The following C20orf203 variants were observed in gnomAD, a reference collection of about 807,000 sequenced individuals.
C20orf203 encodes uncharacterized protein C20orf203.
A neutral mutation model predicts 15.9 loss-of-function variants in C20orf203; 16 were observed. The observed-to-expected ratio is 1.01, with a 90% confidence interval of 0.68 to 1.53. C20orf203 has a LOEUF of 1.53. C20orf203 is among the 40% of genes most tolerant of loss of function. The pLI, the probability that C20orf203 is intolerant of heterozygous loss-of-function variation, is 0.00. For missense variants in C20orf203, 263 were observed against 247.5 expected, an observed-to-expected ratio of 1.06 and a Z score of -0.42; for synonymous variants, 98 against 97.2, an observed-to-expected ratio of 1.01 and a Z score of -0.05.
At chr20:32,666,725 T>C (rs1345720738) in intron 1 of C20orf203, among the ~76,000 whole-genome samples, 1 of 137,846 alleles carries the variant, frequency 7.3e-6, no homozygotes, top group African/African-American at 2.7e-5. Flanking sequence ...ACTGTACCAC[T>C]GCACTCCAGC....
intron 4 of C20orf203, among the ~76,000 whole-genome samples, chr20:32,647,740 C>T (rs533470822): frequency 2.0e-5 from 3 of 152,186 alleles, no homozygotes; most frequent in South Asian, 4.1e-4. Flanking sequence ...GTGTGGAAAG[C>T]GCCAGATACA....
intron 1 of C20orf203, among the ~76,000 whole-genome samples, chr20:32,659,298 G>A (rs1054210829): frequency 1.1e-4 from 17 of 152,192 alleles, no homozygotes; most frequent in East Asian, 7.7e-4. Context: ...GTTTCTGGCC[G>A]TACAATTCAC....
Position 32,634,126 on chromosome 20 carries a change from C to A in C20orf203, c.*1444G>T, listed in dbSNP as rs908104308. On this transcript the variant is annotated 3_prime_UTR_variant, in exon 6 of 6. Transcript: ENST00000608990. ...GACACAGAAAACAACAAAGAAATGG[C>A]ACTTGTTACCCAGAGACCCAGAGAG... The A allele has an allele frequency of 2.8e-5, 11 of 398,422 alleles. No homozygotes were observed. Among genetic ancestry groups the A allele is most frequent in the African/African-American group, 2.3e-4 (11 of 48,586 alleles). The allele number at this position is 398,422 out of a possible 1,614,324, so 24.7% of individuals were successfully genotyped here.
intron 1 of C20orf203, among the ~76,000 whole-genome samples, chr20:32,652,918 C>T (rs1306531012): frequency 1.3e-5 from 2 of 152,174 alleles, no homozygotes; most frequent in African/African-American, 4.8e-5. Context: ...GGTCACTGGC[C>T]TTGGGGATGG....
intron 1 of C20orf203, among the ~76,000 whole-genome samples, chr20:32,655,953 T>G (rs1418727441): frequency 6.6e-6 from 1 of 152,228 alleles, no homozygotes; most frequent in Non-Finnish European, 1.5e-5. Flanking sequence ...GGTGCCCTCC[T>G]CACAGTAATG....
intron 1 of C20orf203, among the ~76,000 whole-genome samples, chr20:32,660,875 G>T (rs1982874012): frequency 8.3e-6 from 1 of 120,470 alleles, no homozygotes; most frequent in Admixed American, 7.5e-5. Flanking sequence ...AAGCAAAGCG[G>T]GGAAAGCCCC....
At chr20:32,669,930 A>G (rs6058799) in intron 1 of C20orf203, among the ~76,000 whole-genome samples, 104,195 of 152,166 alleles carry the variant, frequency 0.68, 36,656 homozygotes, top group Middle Eastern at 0.84. Flanking sequence ...GGCCGGGCAC[A>G]GTTGCTTACG....
At chr20:32,666,110 A>AT (rs1842653384) in intron 1 of C20orf203, among the ~76,000 whole-genome samples, 1 of 149,126 alleles carries the variant, frequency 6.7e-6, no homozygotes, top group African/African-American at 2.5e-5. Flanking sequence ...TCCAGCCTGA[A>AT]TAACAGGGTG....
In C20orf203 at chr20:32,633,984, A is replaced by C. The variant is rs1166958898; in HGVS notation, c.*1586T>G. On this transcript the variant is annotated 3_prime_UTR_variant, in exon 6 of 6. Transcript: ENST00000608990. ...TCCGGACTGTTTCATGCGTTCATTC[A>C]TGTGTCCAACTCTTCACTCCTTTCC... 5.0e-6 allele frequency: 2 copies of C among 398,586 alleles called. No individual in the cohort carries two copies. Among genetic ancestry groups the C allele is most frequent in the Non-Finnish European group, 8.8e-6 (2 of 226,080 alleles). The allele number at this position is 398,586 out of a possible 1,614,324, so 24.7% of individuals were successfully genotyped here. A position where few individuals can be genotyped will look rare whatever the true frequency, so the allele number is the denominator to read the frequency against.
At chr20:32,669,721 A>G (rs1034647031) in intron 1 of C20orf203, among the ~76,000 whole-genome samples, 1 of 152,214 alleles carries the variant, frequency 6.6e-6, no homozygotes, top group Non-Finnish European at 1.5e-5. Context: ...AATATAGGGG[A>G]AAAGTTTCAT....
At chr20:32,647,197 C>A (rs1982458247) in intron 4 of C20orf203, among the ~76,000 whole-genome samples, 1 of 151,944 alleles carries the variant, frequency 6.6e-6, no homozygotes, top group Admixed American at 6.6e-5. Flanking sequence ...GAGTTTGAGA[C>A]CCGTCTGGCC....
intron 1 of C20orf203, among the ~76,000 whole-genome samples, chr20:32,668,920 T>C (rs1197146918): frequency 1.3e-5 from 2 of 152,192 alleles, no homozygotes; most frequent in African/African-American, 4.8e-5. Flanking sequence ...TTGACCATGT[T>C]CTTGCCATGT....
In C20orf203 at chr20:32,662,554, C is replaced by T. The variant is rs535193598; in HGVS notation, c.-263-10573G>A. On this transcript the variant is annotated intron_variant, in intron 1 of 5. Coordinates refer to ENST00000608990, the MANE Select transcript of C20orf203 (RefSeq NM_182584.4). ...ACGGAGTTGCGGTGAGCCAAGATCACGCCACTGCACTCCAGCCTGAGCAAC... is the reference window on the plus strand; with the variant it reads ...ACGGAGTTGCGGTGAGCCAAGATCATGCCACTGCACTCCAGCCTGAGCAAC... 9.9e-5 allele frequency among the ~76,000 whole-genome samples: 15 copies of T among 152,180 alleles called. 1 individual carries two copies. In the South Asian group the frequency reaches 1.0e-3, roughly 11 times the overall value.
At chr20:32,643,174 G>T (rs918603275) in intron 4 of C20orf203, among the ~76,000 whole-genome samples, 14 of 152,172 alleles carry the variant, frequency 9.2e-5, no homozygotes. Context: ...AGGCTGGGAG[G>T]GGGTGCCAGG....
chr20:32,636,337 A>G (rs1467733901), intron 5 of C20orf203, among the ~76,000 whole-genome samples: 1 of 152,222 alleles, frequency 6.6e-6, no homozygotes, highest in Non-Finnish European at 1.5e-5. Flanking sequence ...GTCTTGCTGA[A>G]CTAGTGCAGA....
chr20:32,633,403 T>G lies in C20orf203; in HGVS notation c.*2167A>C, dbSNP rs1982052858. The stretch of plus-strand genomic sequence containing the variant: ...TGTCTCCTCTGTGCCTGCCCCTTCT[T>G]CAGCCCTCATAACAGCCCCAGGAGG... On this transcript the variant is annotated 3_prime_UTR_variant, in exon 6 of 6. Transcript: ENST00000608990. 1 of 152,140 alleles carries G rather than the reference T, an allele frequency of 6.6e-6. No homozygotes were observed. Among genetic ancestry groups the G allele is most frequent in the African/African-American group, 2.4e-5 (1 of 41,414 alleles). The allele number at this position is 152,140 out of a possible 1,614,324, so 9.4% of individuals were successfully genotyped here. A position where few individuals can be genotyped will look rare whatever the true frequency, so the allele number is the denominator to read the frequency against.
In C20orf203 at chr20:32,651,159, C is replaced by T. The variant is rs1000758435; in HGVS notation, c.-7G>A. The T allele has an allele frequency of 1.3e-5, 6 of 465,166 alleles. No individual in the cohort carries two copies. The highest frequency in any genetic ancestry group is 2.1e-5 in the Non-Finnish European group (6 of 286,716). The allele number at this position is 465,166 out of a possible 1,614,324, so 28.8% of individuals were successfully genotyped here. On this transcript the variant is annotated 5_prime_UTR_variant, in exon 3 of 6. Transcript: ENST00000608990. ...AGACAGGCCTAGGAAACATAGGAGA[C>T]CCTCTCTCTAAAAAAAAAAAAAAAA...
At chr20:32,661,137 A>C (rs1982880635) in intron 1 of C20orf203, among the ~76,000 whole-genome samples, 1 of 152,142 alleles carries the variant, frequency 6.6e-6, no homozygotes, top group Admixed American at 6.5e-5. Context: ...GCAAGAAAGG[A>C]GGGCCTGCGT....
intron 1 of C20orf203, among the ~76,000 whole-genome samples, chr20:32,659,143 C>T (rs1331012857): frequency 1.3e-5 from 2 of 152,174 alleles, no homozygotes; most frequent in African/African-American, 4.8e-5. Flanking sequence ...TCCTAAAGTG[C>T]TGGGACTACA....
Sources: gnomAD v4.1 joint callset for allele counts (sites outside exome capture counted in the v4.1 genomes callset) on GRCh38, gnomAD v4.1.1 for gene constraint, MANE v1.5 for transcripts, NCBI Gene and HGNC (gene_info 2026-07-23, HGNC 2026-07-21) for gene names.